The following FHIT variants were observed in gnomAD, a reference collection of about 807,000 sequenced individuals.
The protein encoded by FHIT is fragile histidine triad diadenosine triphosphatase.
Under a neutral mutation model 17.9 loss-of-function variants are expected in FHIT, and 19 were observed. The ratio of observed to expected loss-of-function variants is 1.06; its 90% CI spans 0.74 to 1.56. The LOEUF is 1.56. FHIT is among the 40% of genes most tolerant of loss of function. The pLI, the probability that FHIT is intolerant of heterozygous loss-of-function variation, is 0.00. For missense variants in FHIT, 248 were observed against 189.2 expected (o/e 1.31, Z -1.82); for synonymous variants, 81 against 69.7 (o/e 1.16, Z -0.81).
chr3:59,979,217 C>T (rs78598058), intron 7 of FHIT, among the ~76,000 whole-genome samples: 4,015 of 152,210 alleles, frequency 0.026, 78 homozygotes, highest in Middle Eastern at 0.041. Context: ...CAGGGAAATT[C>T]CAACCTTGGT....
At chr3:59,760,820 CA>C (rs1478569350) in intron 8 of FHIT, among the ~76,000 whole-genome samples, 2 of 147,070 alleles carry the variant, frequency 1.4e-5, no homozygotes, top group African/African-American at 2.7e-5. Flanking sequence ...GATTGGCCAC[CA>C]TTTAGAGGTA....
intron 7 of FHIT, among the ~76,000 whole-genome samples, chr3:59,983,812 CA>C (rs1708763431): frequency 6.6e-6 from 1 of 152,046 alleles, no homozygotes; most frequent in Admixed American, 6.6e-5. Context: ...TTAGCAAAGA[CA>C]GGGACCTGAT....
chr3:60,350,900 C>A (rs1005376299), intron 5 of FHIT, among the ~76,000 whole-genome samples: 1 of 152,190 alleles, frequency 6.6e-6, no homozygotes, highest in African/African-American at 2.4e-5. Flanking sequence ...AGCAAACTCA[C>A]TCGAGAGTCT....
intron 5 of FHIT, among the ~76,000 whole-genome samples, chr3:60,107,806 A>C (rs1321957625): frequency 1.3e-5 from 2 of 152,202 alleles, no homozygotes; most frequent in Admixed American, 6.5e-5. Flanking sequence ...CTTTAACACT[A>C]TCCATAAGAA....
chr3:60,744,878 C>T (rs1406164899), intron 4 of FHIT, among the ~76,000 whole-genome samples: 1 of 152,040 alleles, frequency 6.6e-6, no homozygotes, highest in African/African-American at 2.4e-5. Flanking sequence ...TTATTAGGTA[C>T]CTTTTAAGCA....
At chr3:60,024,257 G>C (rs1483093070) in intron 5 of FHIT, among the ~76,000 whole-genome samples, 1 of 152,096 alleles carries the variant, frequency 6.6e-6, no homozygotes, top group East Asian at 1.9e-4. Context: ...ATAAATGAAA[G>C]AGAGTCACAC....
chr3:60,066,013 A>T (rs1272029305), intron 5 of FHIT, among the ~76,000 whole-genome samples: 2 of 152,312 alleles, frequency 1.3e-5, no homozygotes, highest in East Asian at 3.9e-4. Flanking sequence ...GTTACCAAAG[A>T]AAATACACCC....
At chr3:60,516,384 T>C (rs2035157650) in intron 5 of FHIT, among the ~76,000 whole-genome samples, 2 of 152,196 alleles carry the variant, frequency 1.3e-5, no homozygotes, top group African/African-American at 2.4e-5. Context: ...CAATCTATCA[T>C]GAGATGTCTT....
At chr3:61,156,798 A>C (rs1372215387) in intron 2 of FHIT, among the ~76,000 whole-genome samples, 1 of 152,202 alleles carries the variant, frequency 6.6e-6, no homozygotes, top group African/African-American at 2.4e-5. Context: ...AGGTGAGACA[A>C]AGCATGACTC....
chr3:61,121,417 G>A (rs2036453653), intron 2 of FHIT, among the ~76,000 whole-genome samples: 1 of 152,176 alleles, frequency 6.6e-6, no homozygotes, highest in South Asian at 2.1e-4. Context: ...CTACAAGCCA[G>A]AAGAGAATGG....
At chr3:60,081,878 AGAGG>A (rs899990862) in intron 5 of FHIT, among the ~76,000 whole-genome samples, 1 of 151,358 alleles carries the variant, frequency 6.6e-6, no homozygotes, top group African/African-American at 2.4e-5. Context: ...GCCAAAAGAA[AGAGG>A]AAGTACAATA....
Position 61,048,891 on chromosome 3 carries a change from C to T in FHIT, c.-163-6792G>A, listed in dbSNP as rs780566470. On this transcript the variant is annotated intron_variant, in intron 2 of 9. Coordinates refer to ENST00000492590, the MANE Select transcript of FHIT (RefSeq NM_002012.4). ...ATCACAAGGACAGAAAACCAAAAACCGCATGTTCTCACTCATAGGTAGGAA... is the reference window on the plus strand; with the variant it reads ...ATCACAAGGACAGAAAACCAAAAACTGCATGTTCTCACTCATAGGTAGGAA... Among the ~76,000 whole-genome samples the T allele has an allele frequency of 5.1e-4, 77 of 151,912 alleles. 3 individuals carry two copies. Among genetic ancestry groups the T allele is most frequent in the Non-Finnish European group, 1.5e-4 (10 of 67,990 alleles).
intron 8 of FHIT, among the ~76,000 whole-genome samples, chr3:59,839,841 G>A (rs914861056): frequency 6.6e-6 from 1 of 152,158 alleles, no homozygotes; most frequent in Non-Finnish European, 1.5e-5. Flanking sequence ...TGTGCAAAAC[G>A]GTTAAGTCCT....
At chr3:60,851,253 A>C (rs1703142478) in intron 3 of FHIT, among the ~76,000 whole-genome samples, 1 of 152,152 alleles carries the variant, frequency 6.6e-6, no homozygotes, top group Non-Finnish European at 1.5e-5. Flanking sequence ...CACAGAATAA[A>C]ATATGGTACA....
At chr3:60,727,703 G>A (rs1441656166) in intron 4 of FHIT, among the ~76,000 whole-genome samples, 2 of 152,154 alleles carry the variant, frequency 1.3e-5, no homozygotes, top group South Asian at 2.1e-4. Context: ...TCATTGAACA[G>A]TAATTTAAAA....
At chr3:60,586,682 G>A (rs1392961092) in intron 4 of FHIT, among the ~76,000 whole-genome samples, 10 of 151,960 alleles carry the variant, frequency 6.6e-5, no homozygotes, top group Admixed American at 2.6e-4. Context: ...ACAAGATCAC[G>A]TCTTTTGCAG....
chr3:60,570,922 A>G (rs1057427506), intron 4 of FHIT, among the ~76,000 whole-genome samples: 39 of 152,106 alleles, frequency 2.6e-4, no homozygotes, highest in African/African-American at 8.7e-4. Context: ...CTCTCAGAAG[A>G]CTGGCAAGCA....
intron 7 of FHIT, among the ~76,000 whole-genome samples, chr3:59,951,100 C>A (rs1013582657): frequency 2.0e-5 from 3 of 152,116 alleles, no homozygotes; most frequent in South Asian, 4.1e-4. Context: ...TATTAATTAC[C>A]TATGTGTTAT....
At chr3:60,127,476 T>G (rs191735833) in intron 5 of FHIT, among the ~76,000 whole-genome samples, 336 of 152,360 alleles carry the variant, frequency 2.2e-3, no homozygotes, top group African/African-American at 7.7e-3. Context: ...ACAAGGCTAT[T>G]ACTTGTTAAT....
Sources: gnomAD v4.1 joint callset for allele counts (sites outside exome capture counted in the v4.1 genomes callset) on GRCh38, gnomAD v4.1.1 for gene constraint, MANE v1.5 for transcripts, NCBI Gene and HGNC (gene_info 2026-07-23, HGNC 2026-07-21) for gene names.